The following MGMT variants were observed in gnomAD, a reference collection of about 807,000 sequenced individuals.
MGMT encodes the protein methylated-DNA--protein-cysteine methyltransferase.
Under a neutral mutation model 15.9 loss-of-function variants are expected in MGMT, and 14 were observed. That is an observed-to-expected ratio of 0.88 (90% CI 0.58 to 1.37). The LOEUF (loss-of-function observed/expected upper bound fraction) is 1.37. Ranked by LOEUF, MGMT falls within the 40% of genes most tolerant of loss-of-function variation. The probability of loss-of-function intolerance (pLI) is 0.00; values close to 1 mark genes in which losing one functional copy is unlikely to be tolerated. For synonymous variants in MGMT, 130 were observed against 118.2 expected (o/e 1.10, Z -0.65); for missense variants, 282 against 268.1 (o/e 1.05, Z -0.36).
intron 2 of MGMT, among the ~76,000 whole-genome samples, chr10:129,654,547 A>G (rs1847501667): frequency 6.6e-6 from 1 of 152,154 alleles, no homozygotes; most frequent in African/African-American, 2.4e-5. Flanking sequence ...TCGAGACACC[A>G]GCCTCAGCGG....
chr10:129,616,471 G>A (rs1026661968), intron 2 of MGMT, among the ~76,000 whole-genome samples: 2 of 152,118 alleles, frequency 1.3e-5, no homozygotes, highest in Admixed American at 6.5e-5. Flanking sequence ...TAGTGCCAGG[G>A]CCTGCAAATT....
At position 129,679,805 on chromosome 10, in the gene MGMT, C is replaced by G. The variant is rs577885447; in HGVS notation, c.126-28090C>G. ...AAAACAAACCTAATGCCTTCCTTTG[C>G]AAGTTCCAGTCAGAAGTGTCGCATA... On this transcript the variant is annotated intron_variant, in intron 2 of 4. Coordinates refer to ENST00000651593, the MANE Select transcript of MGMT (RefSeq NM_002412.5). 1.1e-4 allele frequency among the ~76,000 whole-genome samples: 17 copies of G among 152,294 alleles called. 1 individual carries two copies. Among genetic ancestry groups the G allele is most frequent in the African/African-American group, 3.6e-4 (15 of 41,556 alleles).
At chr10:129,645,118 C>CTT (rs10606297) in intron 2 of MGMT, among the ~76,000 whole-genome samples, 30 of 121,942 alleles carry the variant, frequency 2.5e-4, no homozygotes, top group East Asian at 4.3e-4. Flanking sequence ...CCTGAAAGCC[C>CTT]TTTTTTTTTT....
At chr10:129,491,792 AAT>A (rs1453392296) in intron 1 of MGMT, among the ~76,000 whole-genome samples, 3 of 152,070 alleles carry the variant, frequency 2.0e-5, no homozygotes, top group Non-Finnish European at 2.9e-5. Context: ...TTTGTACTTT[AAT>A]ATATATTTTA....
Position 129,707,878 on chromosome 10 carries a change from T to C in MGMT, c.126-17T>C, listed in dbSNP as rs1848183086. 1 of 1,610,120 alleles carries C rather than the reference T, an allele frequency of 6.2e-7. No homozygotes were observed. Among genetic ancestry groups the C allele is most frequent in the Non-Finnish European group, 8.5e-7 (1 of 1,179,978 alleles). ...AGGGCCCAGAGGTTTACTAAGCCCC[T>C]GTTCTCACTTTTGCAGTGCCGTGGA... On this transcript the variant is annotated splice_polypyrimidine_tract_variant and intron_variant, in intron 2 of 4. Transcript: ENST00000651593.
In MGMT at chr10:129,759,298, C is replaced by G; in HGVS notation, c.371C>G (p.Pro124Arg). The G allele has an allele frequency of 6.2e-7, 1 of 1,614,170 alleles. No individual in the cohort carries two copies. Among genetic ancestry groups the G allele is most frequent in the South Asian group, 1.1e-5 (1 of 91,074 alleles). Residue 124 changes from proline (P) to arginine (R), a missense_variant, in exon 4 of 5, where the codon CCC becomes CGC. Transcript: ENST00000651593. ...YQQLAALAGN[P>R]KAARAVGGAM... ...CAATTAGCAGCCCTGGCAGGCAACC[C>G]CAAAGCCGCGCGAGCAGTGGGAGGA... is the stretch of plus-strand genomic sequence containing the variant.
At chr10:129,619,433 G>A (rs573397374) in intron 2 of MGMT, among the ~76,000 whole-genome samples, 98 of 152,010 alleles carry the variant, frequency 6.4e-4, no homozygotes, top group African/African-American at 2.3e-3. Context: ...AATATTTTAC[G>A]AATTACGGGA....
chr10:129,656,267 A>G (rs1847523922), intron 2 of MGMT, among the ~76,000 whole-genome samples: 1 of 152,228 alleles, frequency 6.6e-6, no homozygotes, highest in African/African-American at 2.4e-5. Context: ...GAGGGCAGCA[A>G]GAGCCCCTCT....
chr10:129,548,996 T>C (rs1846126925), intron 2 of MGMT, among the ~76,000 whole-genome samples: 1 of 152,248 alleles, frequency 6.6e-6, no homozygotes, highest in African/African-American at 2.4e-5. Flanking sequence ...ATAATTGATG[T>C]CATAAATAGC....
chr10:129,682,665 A>G (rs1256925698), intron 2 of MGMT, among the ~76,000 whole-genome samples: 5 of 152,238 alleles, frequency 3.3e-5, no homozygotes, highest in Admixed American at 6.5e-5. Flanking sequence ...AACTGGTGAC[A>G]TCAAATAAGA....
At chr10:129,471,155 G>C (rs937636124) in intron 1 of MGMT, among the ~76,000 whole-genome samples, 4 of 152,178 alleles carry the variant, frequency 2.6e-5, no homozygotes, top group Non-Finnish European at 5.9e-5. Context: ...TATAGACATC[G>C]TTCTGCCAGT....
chr10:129,677,730 C>G (rs571446892), intron 2 of MGMT, among the ~76,000 whole-genome samples: 43 of 152,294 alleles, frequency 2.8e-4, no homozygotes, highest in African/African-American at 9.9e-4. Context: ...TGGCTGTGAT[C>G]GGACTGCCCC....
At chr10:129,519,418 C>T (rs2119719244) in intron 1 of MGMT, among the ~76,000 whole-genome samples, 1 of 152,292 alleles carries the variant, frequency 6.6e-6, no homozygotes, top group South Asian at 2.1e-4. Flanking sequence ...TAATTTAGAA[C>T]ATAAAATTTC....
At chr10:129,475,991 C>G (rs1845289646) in intron 1 of MGMT, among the ~76,000 whole-genome samples, 1 of 151,170 alleles carries the variant, frequency 6.6e-6, no homozygotes, top group African/African-American at 2.4e-5. Context: ...ACTTTCTGTG[C>G]TAAAATGGGG....
chr10:129,667,835 T>G (rs1847677165), intron 2 of MGMT, among the ~76,000 whole-genome samples: 1 of 152,244 alleles, frequency 6.6e-6, no homozygotes, highest in Non-Finnish European at 1.5e-5. Context: ...TAATTTTCAT[T>G]TCTATAATGA....
intron 3 of MGMT, among the ~76,000 whole-genome samples, chr10:129,757,326 C>T (rs1347221207): frequency 2.0e-5 from 3 of 152,324 alleles, no homozygotes; most frequent in Admixed American, 6.5e-5. Flanking sequence ...TCAAGGCTGG[C>T]GCTCAGATGA....
chr10:129,524,135 G>A lies in MGMT; in HGVS notation c.-12-12106G>A, dbSNP rs184652246. ...GTGACCTTCTGAAACCAAAAGAGTG[G>A]CTGCCCACTCTGCCTCCTGGCTCTG... On this transcript the variant is annotated intron_variant, in intron 1 of 4. Transcript: ENST00000651593. Among the ~76,000 whole-genome samples, 499 of 152,242 alleles carry A rather than the reference G, an allele frequency of 3.3e-3. 1 individual carries two copies. The highest frequency in any genetic ancestry group is 0.011 in the African/African-American group (473 of 41,536).
Position 129,653,865 on chromosome 10 carries a change from A to G in MGMT, c.126-54030A>G, listed in dbSNP as rs145052329. ...GAAGAGTGTCAGGTGGGCTAGGGGC[A>G]GGAGAAGCATGAGGAGGACCCTGTG... On this transcript the variant is annotated intron_variant, in intron 2 of 4. Coordinates refer to ENST00000651593, the MANE Select transcript of MGMT (RefSeq NM_002412.5). Among the ~76,000 whole-genome samples, 946 of 152,290 alleles carry G rather than the reference A, an allele frequency of 6.2e-3. 5 individuals carry two copies. Among genetic ancestry groups the G allele is most frequent in the Middle Eastern group, 0.014 (4 of 294 alleles).
At chr10:129,516,919 G>T (rs912538335) in intron 1 of MGMT, among the ~76,000 whole-genome samples, 1 of 152,218 alleles carries the variant, frequency 6.6e-6, no homozygotes, top group Middle Eastern at 3.2e-3. Context: ...GAGAATTTAT[G>T]CAGCATCAAA....
Sources: gnomAD v4.1 joint callset for allele counts (sites outside exome capture counted in the v4.1 genomes callset) on GRCh38, gnomAD v4.1.1 for gene constraint, MANE v1.5 for transcripts, NCBI Gene and HGNC (gene_info 2026-07-23, HGNC 2026-07-21) for gene names.